The following SLC27A5 variants were observed in gnomAD, a reference collection of about 807,000 sequenced individuals.
The protein encoded by SLC27A5 is long-chain fatty acid transport protein 5.
In SLC27A5, 47 loss-of-function variants were observed where a neutral mutation model predicts 63.1. The observed-to-expected ratio is 0.74, with a 90% confidence interval of 0.59 to 0.95. The LOEUF is 0.95. Ranked by LOEUF, SLC27A5 falls within the 40% of genes least tolerant of loss-of-function variation. The probability of loss-of-function intolerance (pLI) is 0.00; values close to 1 mark genes in which losing one functional copy is unlikely to be tolerated. For missense variants in SLC27A5, 940 were observed against 921.0 expected (o/e 1.02, Z -0.27); for synonymous variants, 391 against 403.8 (o/e 0.97, Z 0.38).
intron 8 of SLC27A5, 86 bp from the exon 9 acceptor site, chr19:58,499,001 C>A: frequency 6.3e-7 from 1 of 1,589,930 alleles, no homozygotes; most frequent in Non-Finnish European, 8.6e-7. Context: ...TGCTCACTGG[C>A]TGTGAGAGCC....
chr19:58,511,545 C>A lies in SLC27A5; in HGVS notation c.411G>T (p.Gly137=), dbSNP rs2053411750. ...QPGRALLVWT[G]PGAGSVTFGE... is the part of the protein sequence containing the mutation. ...CAAAGGTGACTGAGCCGGCCCCAGG[C>A]CCCGTCCACACCAAGAGTGCCCTGC... The change falls in exon 1 of 10, where the codon GGG becomes GGT. Residue 137 remains glycine (G), a synonymous_variant. Transcript: ENST00000263093. The A allele has an allele frequency of 6.4e-7, 1 of 1,563,778 alleles. No individual in the cohort carries two copies. Among genetic ancestry groups the A allele is most frequent in the South Asian group, 1.2e-5 (1 of 85,754 alleles).
At chr19:58,510,129 A>T in intron 2 of SLC27A5, 124 bp from the exon 3 acceptor site, 1 of 938,020 alleles carries the variant, frequency 1.1e-6, no homozygotes, top group Non-Finnish European at 1.6e-6. Context: ...GAGAACAGTC[A>T]AGTATAGGGA....
At chr19:58,500,205 T>C (rs1600027928) in intron 6 of SLC27A5, 134 bp downstream of exon 6, 1 of 713,926 alleles carries the variant, frequency 1.4e-6, no homozygotes, top group East Asian at 2.7e-5. Flanking sequence ...GGCCACTGGC[T>C]CAGGGTCCAG....
chr19:58,498,425 T>C lies in SLC27A5; in HGVS notation c.*90A>G. Reference sequence around the variant, plus strand: ...GGTTGAGGGTATGGCCAGGCTGGGATTCACACAGGCCCAGGATGAAAGGGA... The same window carrying C: ...GGTTGAGGGTATGGCCAGGCTGGGACTCACACAGGCCCAGGATGAAAGGGA... On this transcript the variant is annotated 3_prime_UTR_variant, in exon 10 of 10. Coordinates refer to ENST00000263093, the MANE Select transcript of SLC27A5 (RefSeq NM_012254.3). 2 of 1,365,464 alleles carry C rather than the reference T, an allele frequency of 1.5e-6. No homozygotes were observed. The highest frequency in any genetic ancestry group is 1.4e-5 in the South Asian group (1 of 72,148). 84.6% of individuals were successfully genotyped at this position (1,365,464 alleles called of 1,614,324 possible). A position where few individuals can be genotyped will look rare whatever the true frequency, so the allele number is the denominator to read the frequency against.
chr19:58,510,805 G>A lies in SLC27A5; in HGVS notation c.814C>T (p.Pro272Ser), dbSNP rs746846469. ...AGGTCAGCAGGCACTGGGTGGGAGGGCGCTGCATCCAGGGCAGCCCCCAGA... is the reference window on the plus strand; with the variant it reads ...AGGTCAGCAGGCACTGGGTGGGAGGACGCTGCATCCAGGGCAGCCCCCAGA... ...GALGAALDAA[P>S]SHPVPADLRA... The change falls in exon 2 of 10, where the codon CCC (proline) becomes TCC (serine). Residue 272 changes from proline to serine, a missense_variant. Pro to Ser is a moderately conservative substitution (Grantham distance 74). Transcript: ENST00000263093. 3 of 1,613,594 alleles carry A rather than the reference G, an allele frequency of 1.9e-6. No individual in the cohort carries two copies. The East Asian group carries it at 6.7e-5, about 36-fold the overall frequency.
intron 5 of SLC27A5, 32 bp downstream of exon 5, chr19:58,500,480 G>A (rs746953311): frequency 5.6e-5 from 90 of 1,613,630 alleles, no homozygotes; most frequent in Admixed American, 1.7e-5. Context: ...TCAGCCTCAG[G>A]GCAGCTGCAC....
At chr19:58,507,285 C>A in intron 3 of SLC27A5, 1 of 152,548 alleles carries the variant, frequency 6.6e-6, no homozygotes, top group South Asian at 1.9e-4. Flanking sequence ...CACAAGTGCT[C>A]ACCACTGTTG....
chr19:58,500,725 A>C lies in SLC27A5; in HGVS notation c.1183-19T>G. ...CTGGTTGCTACAGGAATGTCCCCAG[A>C]AGGGTGAGGAGGAGGTGCTCTTGGG... On this transcript the variant is annotated intron_variant, in intron 4 of 9. Coordinates refer to ENST00000263093, the MANE Select transcript of SLC27A5 (RefSeq NM_012254.3). 1 of 1,605,054 alleles carries C rather than the reference A, an allele frequency of 6.2e-7. No individual in the cohort carries two copies. The highest frequency in any genetic ancestry group is 2.2e-5 in the East Asian group (1 of 44,630).
chr19:58,499,277 T>TCTTGCCCCCGCCCCGCCC (rs2053245191), intron 7 of SLC27A5, 57 bp from the exon 8 acceptor site: 3 of 1,519,162 alleles, frequency 2.0e-6, no homozygotes, highest in African/African-American at 1.4e-5. Flanking sequence ...AGGCCCCGCC[T>TCTTGCCCCCGCCCCGCCC]CTTGCCCCCG....
At position 58,501,344 on chromosome 19, in the gene SLC27A5, C is replaced by T. The variant is rs576650741; in HGVS notation, c.1124G>A (p.Gly375Asp). 85 of 1,613,852 alleles carry T rather than the reference C, an allele frequency of 5.3e-5. No homozygotes were observed. The South Asian group carries it at 5.3e-4, about 10-fold the overall frequency. ...SCFWDDCRQH[G>D]VTVILYVGEL... Reference sequence around the variant, plus strand: ...GCCCACATACAGGATCACTGTCACGCCATGCTGCCGACAGTCATCCCAGAA... The same window carrying T: ...GCCCACATACAGGATCACTGTCACGTCATGCTGCCGACAGTCATCCCAGAA... Residue 375 changes from glycine (G) to aspartate (D), a missense_variant, in exon 4 of 10, where the codon GGC becomes GAC. Transcript: ENST00000263093.
chr19:58,509,832 C>T lies in SLC27A5; in HGVS notation c.1057+15G>A. The T allele has an allele frequency of 6.2e-7, 1 of 1,606,212 alleles. No individual in the cohort carries two copies. Among genetic ancestry groups the T allele is most frequent in the Non-Finnish European group, 8.5e-7 (1 of 1,175,670 alleles). Reference sequence around the variant, plus strand: ...TGGTCCTGTAGACTGGAGGGATCCTCAGAAGTGGGCTTACCGAGATCTAAG... The same window carrying T: ...TGGTCCTGTAGACTGGAGGGATCCTTAGAAGTGGGCTTACCGAGATCTAAG... On this transcript the variant is annotated intron_variant, in intron 3 of 9. Transcript: ENST00000263093.
Position 58,510,176 on chromosome 19 carries a change from A to G in SLC27A5, c.899-171T>C, listed in dbSNP as rs377126607. 6.8e-6 allele frequency: 4 copies of G among 590,502 alleles called. No homozygotes were observed. The East Asian group carries it at 9.1e-5, about 13-fold the overall frequency. The allele number at this position is 590,502 out of a possible 1,614,324, so 36.6% of individuals were successfully genotyped here. A position where few individuals can be genotyped will look rare whatever the true frequency, so the allele number is the denominator to read the frequency against. On this transcript the variant is annotated intron_variant, in intron 2 of 9. Transcript: ENST00000263093. ...GTTCACAGGCTGAATTTGGACTGAA[A>G]GTAATATGTCAAGATCAAAGGTTTC...
In SLC27A5 at chr19:58,499,584, T is replaced by C; in HGVS notation, c.1575A>G (p.Gln525=). The C allele has an allele frequency of 6.2e-7, 1 of 1,612,932 alleles. No homozygotes were observed. The highest frequency in any genetic ancestry group is 8.5e-7 in the Non-Finnish European group (1 of 1,179,968). ...CGGTGTTGTAGTAAACGTCGCCCGATTGCCGCACGTTGCGCACCAGCTTCC... is the reference window on the plus strand; with the variant it reads ...CGGTGTTGTAGTAAACGTCGCCCGACTGCCGCACGTTGCGCACCAGCTTCC... ...SERKLVRNVR[Q]SGDVYYNTGD... The change falls in exon 7 of 10, where the codon CAA becomes CAG. Residue 525 remains glutamine, a synonymous_variant. Transcript: ENST00000263093.
At chr19:58,503,531 C>T (rs974333287) in intron 3 of SLC27A5, among the ~76,000 whole-genome samples, 38 of 151,964 alleles carry the variant, frequency 2.5e-4, no homozygotes, top group South Asian at 2.1e-4. Context: ...GGCGTGGTGG[C>T]GCACACCTGT....
chr19:58,501,304 G>T lies in SLC27A5; in HGVS notation c.1164C>A (p.Tyr388Ter). 1 of 1,613,568 alleles carries T rather than the reference G, an allele frequency of 6.2e-7. No homozygotes were observed. The highest frequency in any genetic ancestry group is 1.1e-5 in the South Asian group (1 of 91,066). ...GCCTCACCTGGGGAATGTTACACAA[G>T]TACCGCAGGAGCTCGCCCACATACA... ...VILYVGELLR[Y>*]LCNIPQQPED... is the part of the protein sequence containing the mutation. Residue 388 changes from tyrosine to a stop codon, truncating the protein, a stop_gained, in exon 4 of 10, where the codon TAC (tyrosine) becomes TAA (stop). Transcript: ENST00000263093. LOFTEE classifies it high-confidence loss of function.
chr19:58,500,437 G>T lies in SLC27A5; in HGVS notation c.1378-8C>A. On this transcript the variant is annotated splice_region_variant and splice_polypyrimidine_tract_variant and intron_variant, in intron 5 of 9. Coordinates refer to ENST00000263093, the MANE Select transcript of SLC27A5 (RefSeq NM_012254.3). Reference sequence around the variant, plus strand: ...CTCAAAGGGGGACAGCATCTGGGGTGGAGGGTGGAGTGTTGACATAGGTCC... The same window carrying T: ...CTCAAAGGGGGACAGCATCTGGGGTTGAGGGTGGAGTGTTGACATAGGTCC... 1 of 1,613,772 alleles carries T rather than the reference G, an allele frequency of 6.2e-7. No homozygotes were observed.
chr19:58,500,520 G>A lies in SLC27A5; in HGVS notation c.1369C>T (p.Leu457Phe), dbSNP rs1445643172. 3.1e-6 allele frequency: 5 copies of A among 1,613,830 alleles called. No individual in the cohort carries two copies. The South Asian group carries it at 4.4e-5, about 14-fold the overall frequency. ...RCGALGKMSC[L>F]LRMLSPFELV... ...GGTACCCGCACACTCACTCGGAGGA[G>A]GCAGCTCATCTTGCCCAGGGCCCCG... Residue 457 changes from leucine to phenylalanine, a missense_variant, in exon 5 of 10, where the codon CTC (leucine) becomes TTC (phenylalanine). Coordinates refer to ENST00000263093, the MANE Select transcript of SLC27A5 (RefSeq NM_012254.3).
intron 3 of SLC27A5, chr19:58,508,537 C>CA (rs2053372475): frequency 7.1e-6 from 1 of 140,618 alleles, no homozygotes. Context: ...GCCTGGGCGA[C>CA]AGAGCGAGAC....
chr19:58,502,290 G>A (rs1360984275), intron 3 of SLC27A5, among the ~76,000 whole-genome samples: 1 of 145,444 alleles, frequency 6.9e-6, no homozygotes, highest in African/African-American at 2.5e-5. Flanking sequence ...TGGGTGAACA[G>A]TTAGAGTAGT....
Sources: allele counts gnomAD v4.1 joint callset (sites outside exome capture counted in the v4.1 genomes callset), GRCh38; gene constraint gnomAD v4.1.1; transcripts MANE v1.5; gene names NCBI Gene and HGNC (gene_info 2026-07-23, HGNC 2026-07-21).